Variants in RNF169 observed in about 807,000 individuals in gnomAD.
RNF169 encodes E3 ubiquitin-protein ligase RNF169.
A neutral mutation model predicts 53.9 loss-of-function variants in RNF169; 24 were observed. The ratio of observed to expected loss-of-function variants is 0.45; its 90% CI spans 0.32 to 0.63. The LOEUF is 0.63. RNF169 is among the 20% of genes least tolerant of loss of function. RNF169 has a pLI of 0.04. For missense variants in RNF169, 883 were observed against 906.2 expected (o/e 0.97, Z 0.33); for synonymous variants, 396 against 363.5 (o/e 1.09, Z -1.02).
chr11:74,770,664 T>TTC (rs1591394436), intron 1 of RNF169, among the ~76,000 whole-genome samples: 2 of 152,258 alleles, frequency 1.3e-5, no homozygotes, highest in African/African-American at 4.8e-5. Flanking sequence ...CTAGTGTGTT[T>TTC]TCATTAGATA....
At chr11:74,774,928 C>T (rs898763649) in intron 1 of RNF169, among the ~76,000 whole-genome samples, 3 of 152,100 alleles carry the variant, frequency 2.0e-5, no homozygotes, top group African/African-American at 7.2e-5. Context: ...GACTCCATCT[C>T]AAGACTGGGT....
intron 1 of RNF169, among the ~76,000 whole-genome samples, chr11:74,755,085 C>G (rs1439386386): frequency 6.6e-6 from 1 of 152,096 alleles, no homozygotes; most frequent in East Asian, 1.9e-4. Context: ...ACAGGAATTC[C>G]CTAGTCTGTA....
At chr11:74,762,236 G>T (rs897774211) in intron 1 of RNF169, among the ~76,000 whole-genome samples, 1 of 148,992 alleles carries the variant, frequency 6.7e-6, no homozygotes, top group African/African-American at 2.5e-5. Context: ...CAACTTCTTT[G>T]CCTTTGGTTT....
intron 2 of RNF169, among the ~76,000 whole-genome samples, chr11:74,795,470 C>T (rs889524910): frequency 2.2e-4 from 34 of 152,132 alleles, no homozygotes; most frequent in South Asian, 2.1e-4. Flanking sequence ...AGGCCCAGCC[C>T]GTTTCCCCCA....
At chr11:74,778,945 T>G (rs1411682819) in intron 1 of RNF169, among the ~76,000 whole-genome samples, 1 of 152,252 alleles carries the variant, frequency 6.6e-6, no homozygotes, top group African/African-American at 2.4e-5. Context: ...CTTGCATCTT[T>G]CACTAACTTA....
intron 1 of RNF169, among the ~76,000 whole-genome samples, chr11:74,775,506 A>G (rs1177541566): frequency 6.6e-6 from 1 of 151,468 alleles, no homozygotes; most frequent in Admixed American, 6.6e-5. Context: ...TAAACTTGTC[A>G]TATTCATCTC....
intron 2 of RNF169, among the ~76,000 whole-genome samples, chr11:74,808,546 C>T (rs139051188): frequency 3.3e-5 from 5 of 152,282 alleles, no homozygotes; most frequent in African/African-American, 1.2e-4. Context: ...ATTTGCATTC[C>T]ATCCCCATGC....
rs1234341171 is a variant in RNF169 at position 74,836,130 on chromosome 11, A to C, written c.1527A>C (p.Gln509His). 1 of 1,614,162 alleles carries C rather than the reference A, an allele frequency of 6.2e-7. No homozygotes were observed. Among genetic ancestry groups the C allele is most frequent in the South Asian group, 1.1e-5 (1 of 91,080 alleles). Residue 509 changes from glutamine to histidine, a missense_variant, in exon 6 of 6, where the codon CAA becomes CAC. By Grantham distance (24) the Gln-to-His change is conservative. Coordinates refer to ENST00000299563, the MANE Select transcript of RNF169 (RefSeq NM_001098638.2). ...TTGATCATTTCCCCTCTGTTAGCCA[A>C]ACAAAAGCAGAACAGGACAGTGATA... ...ADLDHFPSVS[Q>H]TKAEQDSDNK...
intron 1 of RNF169, among the ~76,000 whole-genome samples, chr11:74,757,821 C>T (rs1297061747): frequency 3.8e-5 from 2 of 53,104 alleles, no homozygotes; most frequent in Non-Finnish European, 6.1e-5. Flanking sequence ...TGTTCATATC[C>T]TTTGCCCACT....
intron 5 of RNF169, among the ~76,000 whole-genome samples, chr11:74,834,987 TTC>T (rs888190574): frequency 5.9e-5 from 9 of 151,824 alleles, no homozygotes; most frequent in African/African-American, 1.9e-4. Context: ...GAATCCCCCC[TTC>T]TTTTTTTTTA....
chr11:74,759,021 T>G (rs963524464), intron 1 of RNF169, among the ~76,000 whole-genome samples: 9 of 150,876 alleles, frequency 6.0e-5, no homozygotes, highest in African/African-American at 1.5e-4. Context: ...AAGAGGTCCT[T>G]CACATCCCTT....
In RNF169 at chr11:74,838,913, CACTT is replaced by C. The variant is rs1205552955; in HGVS notation, c.*2185_*2188del. 21 of 152,296 alleles carry C rather than the reference CACTT, an allele frequency of 1.4e-4. No homozygotes were observed. The highest frequency in any genetic ancestry group is 4.3e-4 in the African/African-American group (18 of 41,562). The allele number at this position is 152,296 out of a possible 1,614,324, so 9.4% of individuals were successfully genotyped here. On this transcript the variant is annotated 3_prime_UTR_variant, in exon 6 of 6. Transcript: ENST00000299563. Reference sequence around the variant, plus strand: ...CTAGTCTTGTTGGTAGGAGCAAAGACACTTATTTTTCCACTTGCCATCTTTCTCT... The same window carrying C: ...CTAGTCTTGTTGGTAGGAGCAAAGACATTTTTCCACTTGCCATCTTTCTCT...
intron 1 of RNF169, among the ~76,000 whole-genome samples, chr11:74,780,309 T>C (rs890898142): frequency 6.6e-6 from 1 of 152,200 alleles, no homozygotes; most frequent in Non-Finnish European, 1.5e-5. Context: ...ATTCCCTCTT[T>C]ACTCTCTTAA....
Position 74,777,071 on chromosome 11 carries a change from G to A in RNF169, c.503-12555G>A, listed in dbSNP as rs1021049744. On this transcript the variant is annotated intron_variant, in intron 1 of 5. Transcript: ENST00000299563. ...AAAGACAGAGTCTAAGAGACAGGGA[G>A]GCCAGTTACTTATCATTGAATGCCC... 2.5e-4 allele frequency among the ~76,000 whole-genome samples: 38 copies of A among 152,244 alleles called. 1 individual carries two copies. Among genetic ancestry groups the A allele is most frequent in the South Asian group, 4.2e-4 (2 of 4,814 alleles).
chr11:74,770,656 A>G (rs542418341), intron 1 of RNF169, among the ~76,000 whole-genome samples: 118 of 152,262 alleles, frequency 7.7e-4, no homozygotes, highest in African/African-American at 2.7e-3. Flanking sequence ...CCTCTTGGCT[A>G]GTGTGTTTTC....
intron 1 of RNF169, among the ~76,000 whole-genome samples, chr11:74,778,350 T>C (rs923661035): frequency 2.6e-5 from 4 of 152,240 alleles, no homozygotes; most frequent in African/African-American, 7.2e-5. Flanking sequence ...TATGATAACT[T>C]GATATGTTAT....
intron 2 of RNF169, among the ~76,000 whole-genome samples, chr11:74,799,955 C>A (rs2035706587): frequency 6.7e-6 from 1 of 149,160 alleles, no homozygotes; most frequent in Admixed American, 6.8e-5. Context: ...CTTTTACTGC[C>A]CTTTTAAAAT....
chr11:74,750,092 G>C (rs984743828), intron 1 of RNF169, among the ~76,000 whole-genome samples: 3 of 152,178 alleles, frequency 2.0e-5, no homozygotes, highest in African/African-American at 7.2e-5. Context: ...CTCCTTGGCA[G>C]TATGGGTTTC....
intron 1 of RNF169, among the ~76,000 whole-genome samples, chr11:74,782,212 C>T (rs551066097): frequency 2.0e-5 from 3 of 152,138 alleles, no homozygotes; most frequent in African/African-American, 7.2e-5. Flanking sequence ...GCAGAAATAG[C>T]ATGGTTTAGG....
Sources: gnomAD v4.1 joint callset for allele counts (sites outside exome capture counted in the v4.1 genomes callset) on GRCh38, gnomAD v4.1.1 for gene constraint, MANE v1.5 for transcripts, NCBI Gene and HGNC (gene_info 2026-07-23, HGNC 2026-07-21) for gene names.